COL12A1: variants seen among roughly 807,000 people sequenced by gnomAD.
COL12A1 encodes the protein collagen alpha-1(XII) chain.
In COL12A1, 114 loss-of-function variants were observed where a neutral mutation model predicts 349.7. The ratio of observed to expected loss-of-function variants is 0.33; its 90% CI spans 0.28 to 0.38. The LOEUF (loss-of-function observed/expected upper bound fraction) is 0.38, where lower values mean the gene tolerates loss of function less well. COL12A1 is among the 10% of genes least tolerant of loss of function. The probability of loss-of-function intolerance (pLI) is 1.00; values close to 1 mark genes in which losing one functional copy is unlikely to be tolerated. For synonymous variants in COL12A1, 1,369 were observed against 1,329.0 expected (o/e 1.03, Z -0.66); for missense variants, 3,284 against 3,756.9 (o/e 0.87, Z 3.29).
chr6:75,201,397 A>T (rs1770518065), intron 2 of COL12A1, among the ~76,000 whole-genome samples: 1 of 152,222 alleles, frequency 6.6e-6, no homozygotes, highest in South Asian at 2.1e-4. Flanking sequence ...TTTTCTTAAC[A>T]TGCCATACAT....
chr6:75,145,585 C>A, intron 24 of COL12A1, 130 bp from the exon 25 acceptor site: 17 of 703,562 alleles, frequency 2.4e-5, no homozygotes, highest in Non-Finnish European at 3.3e-5. Flanking sequence ...TATAAGATTA[C>A]ATCTCCTTTT....
intron 53 of COL12A1, 44 bp downstream of exon 53, chr6:75,106,375 G>T: frequency 6.6e-7 from 1 of 1,504,028 alleles, no homozygotes. Flanking sequence ...TTATTACTGG[G>T]GGACTGTTAA....
chr6:75,089,917 T>C (rs1180443823), intron 63 of COL12A1, among the ~76,000 whole-genome samples, 193 bp downstream of exon 63: 8 of 152,212 alleles, frequency 5.3e-5, no homozygotes, highest in Non-Finnish European at 1.2e-4. Flanking sequence ...TGAGATCTGA[T>C]AAAAACATAC....
chr6:75,103,345 G>C (rs765385408), intron 55 of COL12A1, among the ~76,000 whole-genome samples: 24 of 151,906 alleles, frequency 1.6e-4, no homozygotes, highest in Non-Finnish European at 2.9e-4. Context: ...AGGGGCAGGT[G>C]ACCCCTTGTG....
intron 60 of COL12A1, among the ~76,000 whole-genome samples, chr6:75,093,174 G>T (rs1767854279): frequency 6.6e-6 from 1 of 152,036 alleles, no homozygotes; most frequent in Non-Finnish European, 1.5e-5. Flanking sequence ...ATATTTACAT[G>T]GTTTTGTCTA....
intron 24 of COL12A1, 102 bp from the exon 25 acceptor site, chr6:75,145,557 C>CA: frequency 9.0e-7 from 1 of 1,109,734 alleles, no homozygotes; most frequent in Non-Finnish European, 1.2e-6. Context: ...GATTATAATA[C>CA]AGCTTGTATT....
rs762813509 is a variant in COL12A1 at position 75,134,684 on chromosome 6, A to G, written c.5524+42T>C. On this transcript the variant is annotated intron_variant, in intron 32 of 65. Coordinates refer to ENST00000322507, the MANE Select transcript of COL12A1 (RefSeq NM_004370.6). ...GATAAAGAGATGATTCCATTCTAAT[A>G]GTAGCTATTAAAGAAGCTATAGGAA... The G allele has an allele frequency of 8.6e-6, 13 of 1,515,818 alleles. 1 individual carries two copies. The South Asian group carries it at 1.5e-4, about 18-fold the overall frequency. 93.9% of individuals were successfully genotyped at this position (1,515,818 alleles called of 1,614,324 possible). A position where few individuals can be genotyped will look rare whatever the true frequency, so the allele number is the denominator to read the frequency against.
chr6:75,138,951 T>C lies in COL12A1; in HGVS notation c.4968A>G (p.Pro1656=), dbSNP rs778492899. ...CAGTAATCTTTAAGTTTGTTGGGGCTGGCACGGGTCCTATCATGAGAAAAG... is the reference window on the plus strand; with the variant it reads ...CAGTAATCTTTAAGTTTGTTGGGGCCGGCACGGGTCCTATCATGAGAAAAG... ...VTAQETTRPV[P]APTNLKITEV... is the part of the protein sequence containing the mutation. The change falls in exon 28 of 66, where the codon CCA becomes CCG. Residue 1656 remains proline (P), a synonymous_variant. Coordinates refer to ENST00000322507, the MANE Select transcript of COL12A1 (RefSeq NM_004370.6). 5.0e-6 allele frequency: 8 copies of C among 1,614,112 alleles called. No individual in the cohort carries two copies. Among genetic ancestry groups the C allele is most frequent in the Non-Finnish European group, 6.8e-6 (8 of 1,179,948 alleles).
rs2149385355 is a variant in COL12A1 at position 75,132,014 on chromosome 6, C to A, written c.5863G>T (p.Asp1955Tyr). ...PTPNSLDVRW[D>Y]PAPGPVLQYR... ...TGCAGCACAGGTCCTGGAGCAGGGT[C>A]CCAGCGAACATCGAGGCTGTTAGGT... The change falls in exon 35 of 66, where the codon GAC becomes TAC. Residue 1955 changes from aspartate to tyrosine, a missense_variant. By Grantham distance (160) the Asp-to-Tyr change is radical. Coordinates refer to ENST00000322507, the MANE Select transcript of COL12A1 (RefSeq NM_004370.6). 6.2e-7 allele frequency: 1 copy of A among 1,614,076 alleles called. No homozygotes were observed. Among genetic ancestry groups the A allele is most frequent in the Non-Finnish European group, 8.5e-7 (1 of 1,179,954 alleles).
chr6:75,148,118 C>T (rs975989022), intron 22 of COL12A1, among the ~76,000 whole-genome samples: 3 of 151,368 alleles, frequency 2.0e-5, no homozygotes, highest in Admixed American at 6.6e-5. Context: ...ATGAAAAAAA[C>T]ATAGTGATAT....
intron 7 of COL12A1, among the ~76,000 whole-genome samples, chr6:75,188,839 T>C (rs532912139): frequency 6.6e-6 from 1 of 152,240 alleles, no homozygotes; most frequent in African/African-American, 2.4e-5. Context: ...ACTTTTTTCT[T>C]CCAGAGTCCT....
At chr6:75,180,882 T>C (rs1162428532) in intron 11 of COL12A1, 57 bp downstream of exon 11, 2 of 1,563,536 alleles carry the variant, frequency 1.3e-6, no homozygotes, top group Admixed American at 1.8e-5. Context: ...AACTGTAACT[T>C]TGTAGTGCAA....
At chr6:75,191,909 T>G in intron 4 of COL12A1, 149 bp from the exon 5 acceptor site, 1 of 495,398 alleles carries the variant, frequency 2.0e-6, no homozygotes, top group Non-Finnish European at 3.4e-6. Context: ...CAAATAATCA[T>G]TCCCTTACAA....
chr6:75,107,068 AT>A (rs911915361), intron 52 of COL12A1, among the ~76,000 whole-genome samples: 9 of 150,564 alleles, frequency 6.0e-5, no homozygotes, highest in Admixed American at 2.0e-4. Context: ...TGCCCAGCTA[AT>A]TTTTTTGTAT....
At chr6:75,126,511 G>A in intron 38 of COL12A1, 41 bp from the exon 39 acceptor site, 1 of 1,577,852 alleles carries the variant, frequency 6.3e-7, no homozygotes, top group Non-Finnish European at 8.6e-7. Context: ...CCTTTTATTG[G>A]CACACAGGGA....
intron 55 of COL12A1, among the ~76,000 whole-genome samples, chr6:75,103,080 A>G (rs888537960): frequency 2.0e-5 from 3 of 152,126 alleles, no homozygotes; most frequent in Admixed American, 6.5e-5. Flanking sequence ...GGACTAAAGG[A>G]TATATAAATC....
intron 50 of COL12A1, 98 bp downstream of exon 50, chr6:75,113,504 A>AAT (rs777846933): frequency 1.8e-5 from 20 of 1,119,756 alleles, no homozygotes; most frequent in South Asian, 2.4e-5. Context: ...ATATCAAATA[A>AAT]ATATATATAT....
intron 20 of COL12A1, 53 bp from the exon 21 acceptor site, chr6:75,151,340 G>A: frequency 2.6e-6 from 4 of 1,528,692 alleles, no homozygotes; most frequent in Non-Finnish European, 3.6e-6. Flanking sequence ...AAAAATTAAT[G>A]GAATGAAGCA....
At chr6:75,132,128 A>G in intron 34 of COL12A1, 46 bp from the exon 35 acceptor site, 1 of 1,596,464 alleles carries the variant, frequency 6.3e-7, no homozygotes, top group South Asian at 1.1e-5. Flanking sequence ...CTGTTTATAT[A>G]TCTCAAGCTT....
Sources: allele counts gnomAD v4.1 joint callset (sites outside exome capture counted in the v4.1 genomes callset), GRCh38; gene constraint gnomAD v4.1.1; transcripts MANE v1.5; gene names NCBI Gene and HGNC (gene_info 2026-07-23, HGNC 2026-07-21).